Variants in SGK3 observed in about 807,000 individuals in gnomAD.
The protein encoded by SGK3 is serine/threonine-protein kinase Sgk3.
A neutral mutation model predicts 68.5 loss-of-function variants in SGK3; 47 were observed. The observed-to-expected ratio is 0.69, with a 90% confidence interval of 0.54 to 0.87. The LOEUF (loss-of-function observed/expected upper bound fraction) is 0.87. Ranked by LOEUF, SGK3 falls within the 40% of genes least tolerant of loss-of-function variation. The pLI is 0.00. For missense variants in SGK3, 479 were observed against 575.5 expected (o/e 0.83, Z 1.72); for synonymous variants, 181 against 189.1 (o/e 0.96, Z 0.35).
At chr8:66,813,293 C>T (rs2130642018) in intron 4 of SGK3, among the ~76,000 whole-genome samples, 1 of 152,250 alleles carries the variant, frequency 6.6e-6, no homozygotes, top group East Asian at 1.9e-4. Flanking sequence ...AAATACTGTA[C>T]AATTACTTGT....
At chr8:66,800,379 C>CTTTTTTTTTTTTTTT (rs35415180) in intron 3 of SGK3, among the ~76,000 whole-genome samples, 11 of 102,346 alleles carry the variant, frequency 1.1e-4, no homozygotes, top group African/African-American at 2.2e-4. Context: ...TTTTTCATTT[C>CTTTTTTTTTTTTTTT]TTTTTTTTTT....
At chr8:66,751,992 C>T (rs1453730633) in intron 1 of SGK3, among the ~76,000 whole-genome samples, 2 of 151,960 alleles carry the variant, frequency 1.3e-5, no homozygotes, top group Non-Finnish European at 2.9e-5. Context: ...CTCGAACTCT[C>T]GATCTCAGGT....
At chr8:66,833,671 C>G (rs1809392972) in intron 8 of SGK3, among the ~76,000 whole-genome samples, 1 of 152,094 alleles carries the variant, frequency 6.6e-6, no homozygotes, top group African/African-American at 2.4e-5. Flanking sequence ...TAATTTTTCC[C>G]AATACTATTT....
At chr8:66,770,215 A>G (rs111261228) in intron 1 of SGK3, among the ~76,000 whole-genome samples, 2 of 150,688 alleles carry the variant, frequency 1.3e-5, no homozygotes, top group African/African-American at 2.4e-5. Flanking sequence ...CGGCCTCCCA[A>G]AGTGCTGGGA....
intron 10 of SGK3, among the ~76,000 whole-genome samples, chr8:66,839,334 T>A (rs993780113): frequency 1.3e-5 from 2 of 150,870 alleles, no homozygotes; most frequent in Admixed American, 6.6e-5. Flanking sequence ...TGCAGCCGGT[T>A]GCTGCTGCTG....
At chr8:66,757,418 C>T (rs117362116) in intron 1 of SGK3, among the ~76,000 whole-genome samples, 1,876 of 152,036 alleles carry the variant, frequency 0.012, 10 homozygotes, top group Non-Finnish European at 0.018. Context: ...GGATTACAGG[C>T]ATGAGCCACT....
intron 1 of SGK3, among the ~76,000 whole-genome samples, chr8:66,782,160 A>G (rs1224102381): frequency 3.3e-5 from 5 of 152,212 alleles, no homozygotes; most frequent in African/African-American, 9.6e-5. Context: ...TAAAGTAACC[A>G]GTTTGGGGTT....
In SGK3 at chr8:66,825,329, C is replaced by CT. The variant is rs11347366; in HGVS notation, c.417+2889dup. On this transcript the variant is annotated intron_variant, in intron 6 of 16. Coordinates refer to ENST00000521198, the MANE Select transcript of SGK3 (RefSeq NM_001033578.3). ...TATAATTGTAACTACTTATTAAGGA[C>CT]TTTTTTTTTTTTTTTTTTTGAGACA... Among the ~76,000 whole-genome samples, 1,156 of 123,028 alleles carry CT rather than the reference C, an allele frequency of 9.4e-3. 11 individuals are homozygous for CT. The highest frequency in any genetic ancestry group is 0.02 in the African/African-American group (603 of 30,814). The allele number at this position is 123,028 out of a possible 152,430, so 80.7% of individuals were successfully genotyped here.
intron 3 of SGK3, among the ~76,000 whole-genome samples, chr8:66,800,491 A>G (rs1807897456): frequency 6.6e-6 from 1 of 151,032 alleles, no homozygotes; most frequent in South Asian, 2.1e-4. Context: ...TTTTAAACAT[A>G]GGAATAAATA....
At chr8:66,779,133 G>A (rs1030781239) in intron 1 of SGK3, among the ~76,000 whole-genome samples, 3 of 152,126 alleles carry the variant, frequency 2.0e-5, no homozygotes, top group Non-Finnish European at 2.9e-5. Context: ...ATATATGCCA[G>A]AAGTTTTTAG....
chr8:66,756,403 G>T (rs866498234), intron 1 of SGK3, among the ~76,000 whole-genome samples: 1 of 152,044 alleles, frequency 6.6e-6, no homozygotes, highest in African/African-American at 2.4e-5. Context: ...TCAGAGGAGG[G>T]TTATGTGGGC....
chr8:66,782,220 C>T (rs528658427), intron 1 of SGK3, among the ~76,000 whole-genome samples: 13 of 152,142 alleles, frequency 8.5e-5, no homozygotes, highest in African/African-American at 3.1e-4. Flanking sequence ...GAAACCTATT[C>T]ATAGGGTCTA....
At chr8:66,800,654 A>G (rs1468662880) in intron 3 of SGK3, among the ~76,000 whole-genome samples, 1 of 152,150 alleles carries the variant, frequency 6.6e-6, no homozygotes, top group Non-Finnish European at 1.5e-5. Context: ...CATGAAAATT[A>G]GATTTCTGAT....
At chr8:66,732,040 A>G (rs1390963011) in intron 1 of SGK3, among the ~76,000 whole-genome samples, 1 of 152,208 alleles carries the variant, frequency 6.6e-6, no homozygotes, top group Non-Finnish European at 1.5e-5. Flanking sequence ...GGTTGAGAGG[A>G]CATCTCAAAA....
chr8:66,827,425 G>C (rs1025002374), intron 6 of SGK3, among the ~76,000 whole-genome samples: 2 of 146,932 alleles, frequency 1.4e-5, no homozygotes, highest in Admixed American at 1.4e-4. Context: ...GTTCTGATTA[G>C]AGAAGTTTTT....
Position 66,736,382 on chromosome 8 carries a change from G to T in SGK3, c.-122+23549G>T, listed in dbSNP as rs550289270. ...AGATATGATTTAAAGTATACAGGAG[G>T]ATGTGCATAGGTTATATGCAAATAC... is the stretch of plus-strand genomic sequence containing the variant. On this transcript the variant is annotated intron_variant, in intron 1 of 16. Coordinates refer to ENST00000521198, the MANE Select transcript of SGK3 (RefSeq NM_001033578.3). Among the ~76,000 whole-genome samples, 37 of 152,170 alleles carry T rather than the reference G, an allele frequency of 2.4e-4. 1 individual carries two copies. The South Asian group carries it at 7.3e-3, about 30-fold the overall frequency.
In SGK3 at chr8:66,822,457, A is replaced by G. The variant is rs1326233832; in HGVS notation, c.415A>G (p.Lys139Glu). The G allele has an allele frequency of 1.2e-6, 2 of 1,611,190 alleles. No homozygotes were observed. The highest frequency in any genetic ancestry group is 1.7e-5 in the Admixed American group (1 of 59,630). The change falls in exon 6 of 17, where the codon AAG (lysine) becomes GAG (glutamate). Residue 139 changes from lysine to glutamate, a missense_variant and splice_region_variant. Lys to Glu is a moderately conservative substitution (Grantham distance 56). Around this residue, in one of 3 missense-constraint regions of SGK3, gnomAD observed 298 missense variants for 329.4 expected, o/e 0.90. Transcript: ENST00000521198. ...AGATGAGGATGAAAGAAGTTCTCAG[A>G]AGGTAGTAAGAGGAATTGCCTTTCT... Reference protein sequence around the residue: ...SEDEDERSSQKLHSTSQNINL... With the variant: ...SEDEDERSSQELHSTSQNINL...
intron 3 of SGK3, among the ~76,000 whole-genome samples, chr8:66,803,371 C>T (rs1012504820): frequency 6.7e-6 from 1 of 148,842 alleles, no homozygotes; most frequent in African/African-American, 2.6e-5. Context: ...GCTCTGTCAC[C>T]CAGGCTGGAG....
In SGK3 at chr8:66,859,885, A is replaced by G. The variant is rs1810688029; in HGVS notation, c.*304A>G. ...TTGCTATTGACTGTTTTTTCCCTCTAAGTTTACACTAACATCTACCCAAGA... is the reference window on the plus strand; with the variant it reads ...TTGCTATTGACTGTTTTTTCCCTCTGAGTTTACACTAACATCTACCCAAGA... On this transcript the variant is annotated 3_prime_UTR_variant, in exon 17 of 17. Transcript: ENST00000521198. 4.7e-6 allele frequency: 1 copy of G among 215,046 alleles called. No homozygotes were observed. Among genetic ancestry groups the G allele is most frequent in the South Asian group, 1.0e-4 (1 of 9,964 alleles). The allele number at this position is 215,046 out of a possible 1,614,324, so 13.3% of individuals were successfully genotyped here.
Sources: allele counts gnomAD v4.1 joint callset (sites outside exome capture counted in the v4.1 genomes callset), GRCh38; gene constraint gnomAD v4.1.1; regional missense constraint gnomAD v4.1.1; transcripts MANE v1.5; gene names NCBI Gene and HGNC (gene_info 2026-07-23, HGNC 2026-07-21).